TEX2: variants seen among roughly 807,000 people sequenced by gnomAD.
TEX2 encodes testis-expressed protein 2.
A neutral mutation model predicts 106.9 loss-of-function variants in TEX2; 53 were observed. The observed-to-expected ratio is 0.50, with a 90% CI of 0.40 to 0.62. TEX2 has a LOEUF of 0.62. TEX2 is among the 20% of genes least tolerant of loss of function. The pLI, the probability that TEX2 is intolerant of heterozygous loss-of-function variation, is 0.00. For synonymous variants in TEX2, 523 were observed against 534.8 expected, an observed-to-expected ratio of 0.98 and a Z score of 0.30; for missense variants, 1,207 against 1,379.0, an observed-to-expected ratio of 0.88 and a Z score of 1.98.
At position 64,193,718 on chromosome 17, in the gene TEX2, G is replaced by A. The variant is rs1451184831; in HGVS notation, c.2017C>T (p.Arg673Cys). The change falls in exon 4 of 12, where the codon CGC (arginine) becomes TGC (cysteine). Residue 673 changes from arginine to cysteine, a missense_variant. This residue lies in a region of TEX2 where 1,067 missense variants were observed against 1,193.6 expected (regional missense o/e 0.89). Coordinates refer to ENST00000584379, the MANE Select transcript of TEX2 (RefSeq NM_001288732.2). ...EGSEDPKKPP[R>C]PQEGTRSSQR... is the part of the protein sequence containing the mutation. ...CTAGATCTTGTTCCCTCCTGAGGGC[G>A]GGGTGGCTTCTTAGGGTCCTCACTT... is the stretch of plus-strand genomic sequence containing the variant. The A allele has an allele frequency of 3.7e-6, 6 of 1,613,154 alleles. No homozygotes were observed. The highest frequency in any genetic ancestry group is 4.2e-6 in the Non-Finnish European group (5 of 1,179,512).
At chr17:64,215,567 T>A (rs1467019530) in intron 1 of TEX2, among the ~76,000 whole-genome samples, 1 of 152,134 alleles carries the variant, frequency 6.6e-6, no homozygotes, top group Non-Finnish European at 1.5e-5. Flanking sequence ...GCCCAGGACA[T>A]AGGGCTTCTA....
chr17:64,156,567 T>G (rs1052119039), intron 8 of TEX2, among the ~76,000 whole-genome samples: 1 of 152,150 alleles, frequency 6.6e-6, no homozygotes, highest in Non-Finnish European at 1.5e-5. Flanking sequence ...AATCTTATAT[T>G]TAAAATGTAT....
At chr17:64,240,064 CATAAATGAAATCATG>C (rs2033856818) in intron 1 of TEX2, among the ~76,000 whole-genome samples, 1 of 151,572 alleles carries the variant, frequency 6.6e-6, no homozygotes. Context: ...CCTAGAAATG[CATAAATGAAATCATG>C]ATAAATGAGG....
intron 8 of TEX2, among the ~76,000 whole-genome samples, chr17:64,159,890 T>C (rs1675555388): frequency 6.6e-6 from 1 of 152,178 alleles, no homozygotes; most frequent in Non-Finnish European, 1.5e-5. Context: ...CTCCAATGCA[T>C]AACCCAGCTC....
chr17:64,194,680 G>A (rs917588944), intron 3 of TEX2, among the ~76,000 whole-genome samples: 9 of 152,110 alleles, frequency 5.9e-5, no homozygotes, highest in Admixed American at 2.0e-4. Flanking sequence ...ATGCAGGCCC[G>A]AGGCCCTGCC....
intron 1 of TEX2, among the ~76,000 whole-genome samples, chr17:64,227,830 G>A (rs1191318369): frequency 2.0e-5 from 3 of 152,168 alleles, no homozygotes; most frequent in Non-Finnish European, 2.9e-5. Flanking sequence ...AAGATTAAAC[G>A]AAACAACTTA....
chr17:64,248,813 T>C (rs1039171836), intron 1 of TEX2, among the ~76,000 whole-genome samples: 1 of 152,046 alleles, frequency 6.6e-6, no homozygotes, highest in Admixed American at 6.5e-5. Flanking sequence ...GGAGGGTGGA[T>C]TGCTGGAGGT....
At chr17:64,198,647 C>T (rs2032556503) in intron 2 of TEX2, among the ~76,000 whole-genome samples, 1 of 131,252 alleles carries the variant, frequency 7.6e-6, no homozygotes, top group Non-Finnish European at 1.8e-5. Context: ...CTGCCTTCGT[C>T]CATCCTAATA....
At chr17:64,151,021 G>A (rs964433199) in intron 10 of TEX2, 60 bp from the exon 11 acceptor site, 1 of 1,581,030 alleles carries the variant, frequency 6.3e-7, no homozygotes. Context: ...GACAGGCACT[G>A]ACAGCAAACA....
chr17:64,163,583 CAA>C (rs1307649495), intron 7 of TEX2, among the ~76,000 whole-genome samples: 1 of 152,166 alleles, frequency 6.6e-6, no homozygotes, highest in Non-Finnish European at 1.5e-5. Flanking sequence ...GCTTTTGTAA[CAA>C]TGATTCAGCA....
intron 5 of TEX2, among the ~76,000 whole-genome samples, chr17:64,180,790 G>A (rs2031822797): frequency 6.6e-6 from 1 of 152,212 alleles, no homozygotes; most frequent in African/African-American, 2.4e-5. Flanking sequence ...CTTGGGATAT[G>A]TGTTATTTAA....
chr17:64,219,514 A>AC (rs1555633021), intron 1 of TEX2, among the ~76,000 whole-genome samples: 14 of 99,854 alleles, frequency 1.4e-4, no homozygotes, highest in African/African-American at 4.8e-4. Context: ...TCATCAAATA[A>AC]AATAAAATAA....
Position 64,213,804 on chromosome 17 carries a change from C to T in TEX2, c.414G>A (p.Ser138=), listed in dbSNP as rs74408208. ...STVPLAVSPG[S]SSSGPLASSP... is the part of the protein sequence containing the mutation. ...AGCTAGCTAAGGGCCCCGACGAAGA[C>T]GACCCTGGGGACACAGCCAATGGCA... Residue 138 remains serine (S), a synonymous_variant, in exon 2 of 12, where the codon TCG becomes TCA. Coordinates refer to ENST00000584379, the MANE Select transcript of TEX2 (RefSeq NM_001288732.2). This position sits in a 1 kb window ranked among gnomAD's most constrained non-coding sequence, Gnocchi z 4.4. The T allele has an allele frequency of 1.1e-3, 1,812 of 1,614,172 alleles. 26 individuals carry two copies. The African/African-American group carries it at 0.022, about 19-fold the overall frequency.
intron 1 of TEX2, among the ~76,000 whole-genome samples, chr17:64,246,947 G>A (rs2033999392): frequency 1.3e-5 from 2 of 152,270 alleles, no homozygotes; most frequent in South Asian, 4.2e-4. Flanking sequence ...CCAATGACGG[G>A]GAACAGATTA....
At chr17:64,179,440 G>C (rs1457381463) in intron 5 of TEX2, among the ~76,000 whole-genome samples, 6 of 152,214 alleles carry the variant, frequency 3.9e-5, no homozygotes, top group Non-Finnish European at 7.4e-5. Context: ...CAACCTGCTT[G>C]GGTGCCCTTA....
intron 1 of TEX2, among the ~76,000 whole-genome samples, chr17:64,243,100 T>A (rs551859886): frequency 6.6e-6 from 1 of 152,074 alleles, no homozygotes; most frequent in East Asian, 1.9e-4. Context: ...GGCTAATTTT[T>A]GTATTTTTAG....
intron 7 of TEX2, among the ~76,000 whole-genome samples, chr17:64,169,988 T>C (rs2031313541): frequency 6.6e-6 from 1 of 152,204 alleles, no homozygotes; most frequent in Non-Finnish European, 1.5e-5. Context: ...GGCTCATTCC[T>C]CTTTTTTTAC....
rs1401716613 is a variant in TEX2, at chr17:64,205,466, T to C, written c.1644+7108A>G. On this transcript the variant is annotated intron_variant, in intron 2 of 11. Coordinates refer to ENST00000584379, the MANE Select transcript of TEX2 (RefSeq NM_001288732.2). The surrounding 1 kb of genome is among the most constrained non-coding windows in gnomAD (Gnocchi z 4.0). ...CAGTAAAGTATAATGTAGAAAGAAA[T>C]GCACTCACATTTCTTGTCCTTACTC... Among the ~76,000 whole-genome samples, 1 of 152,148 alleles carries C rather than the reference T, an allele frequency of 6.6e-6. No homozygotes were observed. Among genetic ancestry groups the C allele is most frequent in the Non-Finnish European group, 1.5e-5 (1 of 68,034 alleles).
intron 11 of TEX2, chr17:64,149,396 C>T: frequency 3.7e-6 from 1 of 273,826 alleles, no homozygotes; most frequent in Non-Finnish European, 7.0e-6. Context: ...AGAGAATTGG[C>T]TTAAGCTGTT....
Sources: allele counts gnomAD v4.1 joint callset (sites outside exome capture counted in the v4.1 genomes callset), GRCh38; gene constraint gnomAD v4.1.1; regional missense constraint gnomAD v4.1.1; non-coding constraint Gnocchi (gnomAD v3.1); transcripts MANE v1.5; gene names NCBI Gene and HGNC (gene_info 2026-07-23, HGNC 2026-07-21).